Variants in TAFA4 observed in about 807,000 individuals in gnomAD.
TAFA4 encodes chemokine-like protein TAFA-4.
A neutral mutation model predicts 21.1 loss-of-function variants in TAFA4; 20 were observed. The ratio of observed to expected loss-of-function variants is 0.95; its 90% CI spans 0.67 to 1.38. The LOEUF (loss-of-function observed/expected upper bound fraction) is 1.38. TAFA4 is among the 40% of genes most tolerant of loss of function. The probability of loss-of-function intolerance (pLI) is 0.00; values close to 1 mark genes in which losing one functional copy is unlikely to be tolerated. For missense variants in TAFA4, 211 were observed against 180.9 expected, an observed-to-expected ratio of 1.17 and a Z score of -0.95; for synonymous variants, 71 against 67.4, an observed-to-expected ratio of 1.05 and a Z score of -0.26.
At chr3:68,742,897 C>T (rs1322714948) in intron 4 of TAFA4, among the ~76,000 whole-genome samples, 1 of 152,158 alleles carries the variant, frequency 6.6e-6, no homozygotes, top group East Asian at 1.9e-4. Flanking sequence ...ATACCTCCCT[C>T]CCTTATGCAT....
intron 3 of TAFA4, among the ~76,000 whole-genome samples, chr3:68,776,329 C>T (rs549319270): frequency 5.9e-5 from 9 of 152,202 alleles, no homozygotes; most frequent in African/African-American, 2.2e-4. Flanking sequence ...AAGAAAGATA[C>T]ACCATACAGA....
Position 68,887,275 on chromosome 3 carries a change from C to T in TAFA4, c.-122-1965G>A, listed in dbSNP as rs181023981. Among the ~76,000 whole-genome samples, 89 of 152,330 alleles carry T rather than the reference C, an allele frequency of 5.8e-4. No individual in the cohort carries two copies. In the Middle Eastern group the frequency reaches 0.01, roughly 17 times the overall value. ...AAAGCTGGAGAATAATGTCCTTTGG[C>T]TCTGTATGTCCTGCATCCTGGACAT... On this transcript the variant is annotated intron_variant, in intron 1 of 5. Coordinates refer to ENST00000295569, the MANE Select transcript of TAFA4 (RefSeq NM_182522.5).
chr3:68,921,217 T>C (rs2090058097), intron 1 of TAFA4, among the ~76,000 whole-genome samples: 2 of 152,000 alleles, frequency 1.3e-5, no homozygotes, highest in South Asian at 2.1e-4. Flanking sequence ...AAAACACAGC[T>C]CTGGAGACGA....
chr3:68,809,007 T>G (rs1438167325), intron 3 of TAFA4, among the ~76,000 whole-genome samples: 1 of 152,188 alleles, frequency 6.6e-6, no homozygotes, highest in Non-Finnish European at 1.5e-5. Context: ...TCCACTCAGA[T>G]TTCATTTGTT....
At chr3:68,860,260 T>G (rs2089318098) in intron 3 of TAFA4, among the ~76,000 whole-genome samples, 1 of 152,178 alleles carries the variant, frequency 6.6e-6, no homozygotes, top group Non-Finnish European at 1.5e-5. Flanking sequence ...GGCACCTACC[T>G]AATGAACAGA....
intron 4 of TAFA4, among the ~76,000 whole-genome samples, chr3:68,740,969 A>T (rs187755168): frequency 6.6e-6 from 1 of 152,102 alleles, no homozygotes; most frequent in Admixed American, 6.5e-5. Flanking sequence ...GAATGGATTT[A>T]TTTCTGAGTT....
chr3:68,816,482 G>A (rs951887261), intron 3 of TAFA4, among the ~76,000 whole-genome samples: 2 of 152,100 alleles, frequency 1.3e-5, no homozygotes, highest in African/African-American at 4.8e-5. Context: ...CTATAAATGG[G>A]ATTGTTTTCT....
intron 3 of TAFA4, among the ~76,000 whole-genome samples, chr3:68,875,011 G>C (rs911196333): frequency 1.3e-5 from 2 of 152,156 alleles, no homozygotes; most frequent in Admixed American, 6.6e-5. Context: ...ACGGAGGCTA[G>C]TGGAATCCCT....
At chr3:68,764,279 C>G (rs544761299) in intron 3 of TAFA4, among the ~76,000 whole-genome samples, 2 of 152,078 alleles carry the variant, frequency 1.3e-5, no homozygotes, top group African/African-American at 4.8e-5. Flanking sequence ...AAAAAGACAA[C>G]CGTCTGCAAG....
At chr3:68,742,458 A>G (rs975193424) in intron 4 of TAFA4, among the ~76,000 whole-genome samples, 1 of 152,156 alleles carries the variant, frequency 6.6e-6, no homozygotes, top group Non-Finnish European at 1.5e-5. Flanking sequence ...CTCTAGTTCA[A>G]ACAAAGCTTT....
chr3:68,792,258 CA>C (rs1703375984), intron 3 of TAFA4, among the ~76,000 whole-genome samples: 1 of 152,096 alleles, frequency 6.6e-6, no homozygotes, highest in Admixed American at 6.6e-5. Context: ...GGGAAATCAT[CA>C]ATTATTAATC....
intron 3 of TAFA4, among the ~76,000 whole-genome samples, chr3:68,842,642 G>A (rs1171296003): frequency 2.0e-5 from 3 of 152,138 alleles, no homozygotes; most frequent in Non-Finnish European, 2.9e-5. Context: ...GAGTAGTATT[G>A]CCTAGGTTTT....
intron 1 of TAFA4, among the ~76,000 whole-genome samples, chr3:68,908,205 G>C (rs2089922993): frequency 6.6e-6 from 1 of 152,150 alleles, no homozygotes; most frequent in African/African-American, 2.4e-5. Context: ...CATCAATTTA[G>C]AATGTCCCTC....
At position 68,772,841 on chromosome 3, in the gene TAFA4, C is replaced by T. The variant is rs1289286277; in HGVS notation, c.131-19823G>A. On this transcript the variant is annotated intron_variant, in intron 3 of 5. Transcript: ENST00000295569. Reference sequence around the variant, plus strand: ...CCCTAATAATCCCCTCTCATCCATCCATCCATCCGTCAATCCATCCATCCA... The same window carrying T: ...CCCTAATAATCCCCTCTCATCCATCTATCCATCCGTCAATCCATCCATCCA... Among the ~76,000 whole-genome samples the T allele has an allele frequency of 3.9e-5, 6 of 152,062 alleles. 1 individual carries two copies. Among genetic ancestry groups the T allele is most frequent in the Admixed American group, 3.9e-4 (6 of 15,268 alleles).
intron 5 of TAFA4, among the ~76,000 whole-genome samples, chr3:68,735,189 A>AGAAGAGGAAGT (rs1702216289): frequency 1.3e-5 from 2 of 151,518 alleles, no homozygotes; most frequent in African/African-American, 2.4e-5. Context: ...GTGGAATTTT[A>AGAAGAGGAAGT]GAAGGGCAAG....
chr3:68,896,009 G>A (rs2089784991), intron 1 of TAFA4, among the ~76,000 whole-genome samples: 1 of 152,136 alleles, frequency 6.6e-6, no homozygotes, highest in Non-Finnish European at 1.5e-5. Context: ...GACTTTCCAA[G>A]GGAAGCATAT....
At chr3:68,733,625 G>C (rs1470488338) in intron 5 of TAFA4, among the ~76,000 whole-genome samples, 1 of 152,138 alleles carries the variant, frequency 6.6e-6, no homozygotes, top group Non-Finnish European at 1.5e-5. Context: ...TAAAAAGGTA[G>C]TGGTTGTATT....
intron 3 of TAFA4, among the ~76,000 whole-genome samples, chr3:68,861,032 C>CA (rs1156656981): frequency 2.8e-5 from 1 of 35,588 alleles, no homozygotes; most frequent in Non-Finnish European, 5.0e-5. Flanking sequence ...AAATATGCAC[C>CA]CCCCCCCCGC....
chr3:68,847,582 C>T (rs1290549224), intron 3 of TAFA4, among the ~76,000 whole-genome samples: 4 of 152,214 alleles, frequency 2.6e-5, no homozygotes, highest in Non-Finnish European at 5.9e-5. Context: ...AGCTCGGTGT[C>T]TACCCAAAGG....
Sources: gnomAD v4.1 joint callset for allele counts (sites outside exome capture counted in the v4.1 genomes callset) on GRCh38, gnomAD v4.1.1 for gene constraint, MANE v1.5 for transcripts, NCBI Gene and HGNC (gene_info 2026-07-23, HGNC 2026-07-21) for gene names.